The following CNTN2 variants were observed in gnomAD, a reference collection of about 807,000 sequenced individuals.
CNTN2 encodes contactin-2.
Under a neutral mutation model 117.5 loss-of-function variants are expected in CNTN2, and 53 were observed. That is an observed-to-expected ratio of 0.45 (90% CI 0.36 to 0.57). The LOEUF (loss-of-function observed/expected upper bound fraction) is 0.57. Among genes scored for constraint, CNTN2 ranks in the 20% least tolerant of loss-of-function variants. The probability of loss-of-function intolerance (pLI) is 0.00; values close to 1 mark genes in which losing one functional copy is unlikely to be tolerated. For missense variants in CNTN2, 1,106 were observed against 1,404.3 expected (o/e 0.79, Z 3.39); for synonymous variants, 530 against 561.7 (o/e 0.94, Z 0.80).
chr1:205,069,793 G>T (rs1002124639), intron 17 of CNTN2, 34 bp from the exon 18 acceptor site: 10 of 1,597,136 alleles, frequency 6.3e-6, no homozygotes, highest in Middle Eastern at 1.7e-4. Flanking sequence ...CACATGCCGC[G>T]GACCCTCGCC....
At chr1:205,072,910 C>G in intron 21 of CNTN2, 158 bp from the exon 22 acceptor site, 1 of 782,060 alleles carries the variant, frequency 1.3e-6, no homozygotes. Flanking sequence ...AAGCTTTCCT[C>G]CACCAATGAG....
rs1558542528 is a variant in CNTN2 at position 205,059,231 on chromosome 1, A to T, written c.635A>T (p.His212Leu). ...AACTACTCCTGTTTGGCCACCAGCC[A>T]CATGGACTTCTCCACCAAGAGCGTC... ...LGNYSCLATS[H>L]MDFSTKSVFS... Residue 212 changes from histidine (H) to leucine (L), a missense_variant, in exon 6 of 23, where the codon CAC becomes CTC. His to Leu is a moderately conservative substitution (Grantham distance 99, BLOSUM62 -3). Coordinates refer to ENST00000331830, the MANE Select transcript of CNTN2 (RefSeq NM_005076.5). This position sits in a 1 kb window ranked among gnomAD's most constrained non-coding sequence, Gnocchi z 5.6. The T allele has an allele frequency of 1.2e-6, 2 of 1,614,216 alleles. No individual in the cohort carries two copies. Among genetic ancestry groups the T allele is most frequent in the Non-Finnish European group, 1.7e-6 (2 of 1,180,032 alleles).
At position 205,059,772 on chromosome 1, in the gene CNTN2, T is replaced by C; in HGVS notation, c.797+90T>C. 10 of 1,089,442 alleles carry C rather than the reference T, an allele frequency of 9.2e-6. No homozygotes were observed. Among genetic ancestry groups the C allele is most frequent in the Non-Finnish European group, 1.4e-5 (10 of 711,642 alleles). 67.5% of individuals were successfully genotyped at this position (1,089,442 alleles called of 1,614,324 possible). On this transcript the variant is annotated intron_variant, in intron 7 of 22. Transcript: ENST00000331830. The surrounding 1 kb of genome is among the most constrained non-coding windows in gnomAD (Gnocchi z 5.6). ...AGGGCAGGCAGAGTCAGGGCTCTTA[T>C]CTTGGTGTCCCTCACAGGGTCTAGC...
At chr1:205,064,154 C>T (rs912586814) in intron 10 of CNTN2, among the ~76,000 whole-genome samples, 168 bp from the exon 11 acceptor site, 3 of 151,746 alleles carry the variant, frequency 2.0e-5, no homozygotes, top group Non-Finnish European at 4.4e-5. Context: ...ATAGTCCAGG[C>T]GGGAGATTTG....
At position 205,058,599 on chromosome 1, in the gene CNTN2, C is replaced by T. The variant is rs774281069; in HGVS notation, c.423C>T (p.Asp141=). ...AGGAATTCTCCAAGGAGGAGCGAGA[C>T]CCAGTGAAAGCTCATGAAGGCTGGG... is the stretch of plus-strand genomic sequence containing the variant. ...FLQEFSKEER[D]PVKAHEGWGV... Residue 141 remains aspartate, a synonymous_variant, in exon 5 of 23, where the codon GAC becomes GAT. Coordinates refer to ENST00000331830, the MANE Select transcript of CNTN2 (RefSeq NM_005076.5). This position sits in a 1 kb window ranked among gnomAD's most constrained non-coding sequence, Gnocchi z 4.3. The T allele has an allele frequency of 1.2e-5, 20 of 1,613,856 alleles. No individual in the cohort carries two copies. In the East Asian group the frequency reaches 4.0e-4, roughly 32 times the overall value.
chr1:205,047,784 T>C (rs1259158710), intron 1 of CNTN2, among the ~76,000 whole-genome samples: 2 of 152,144 alleles, frequency 1.3e-5, no homozygotes, highest in Admixed American at 6.5e-5. Context: ...CTGTGAGATT[T>C]CTCAGTTCTA....
Position 205,071,742 on chromosome 1 carries a change from T to C in CNTN2, c.2545-205T>C, listed in dbSNP as rs76364695. Among the ~76,000 whole-genome samples, 273 of 152,298 alleles carry C rather than the reference T, an allele frequency of 1.8e-3. 1 individual carries two copies. The highest frequency in any genetic ancestry group is 6.2e-3 in the African/African-American group (257 of 41,566). On this transcript the variant is annotated intron_variant, in intron 19 of 22. Transcript: ENST00000331830. ...CTGACCCATGTCTTGAGCACCTTCC[T>C]TGAACTACGCACCAACAGACAGCAG...
chr1:205,062,410 T>TC, intron 9 of CNTN2, 30 bp from the exon 10 acceptor site: 1 of 1,592,660 alleles, frequency 6.3e-7, no homozygotes, highest in Non-Finnish European at 8.5e-7. Context: ...GTGGTCCTGA[T>TC]CCCCCTGGGC....
Position 205,072,520 on chromosome 1 carries a change from C to T in CNTN2, c.2769C>T (p.Phe923=). The T allele has an allele frequency of 1.2e-6, 2 of 1,614,202 alleles. No individual in the cohort carries two copies. The highest frequency in any genetic ancestry group is 1.7e-6 in the Non-Finnish European group (2 of 1,180,032). ...CTCCTGGCAACATCTCCTGGACTTTCTCAAGCTCTAGTCTTAGCATTAAGT... is the reference window on the plus strand; with the variant it reads ...CTCCTGGCAACATCTCCTGGACTTTTTCAAGCTCTAGTCTTAGCATTAAGT... ...RRPPGNISWT[F]SSSSLSIKWD... is the part of the protein sequence containing the mutation. The change falls in exon 21 of 23, where the codon TTC becomes TTT. Residue 923 remains phenylalanine (F), a synonymous_variant. Transcript: ENST00000331830.
chr1:205,073,413 GC>G lies in CNTN2; in HGVS notation c.3013+182del. 1 of 852,274 alleles carries G rather than the reference GC, an allele frequency of 1.2e-6. No homozygotes were observed. The highest frequency in any genetic ancestry group is 1.7e-5 in the African/African-American group (1 of 58,794). The allele number at this position is 852,274 out of a possible 1,614,324, so 52.8% of individuals were successfully genotyped here. ...TGCCTCGCCGCCACCTTTCTACCCA[GC>G]CCCCAGAACATCCCCGAGGGCCAGG... On this transcript the variant is annotated intron_variant, in intron 22 of 22. Transcript: ENST00000331830. This position sits in a 1 kb window ranked among gnomAD's most constrained non-coding sequence, Gnocchi z 6.3.
chr1:205,043,589 C>T (rs543401669), intron 1 of CNTN2, among the ~76,000 whole-genome samples, 195 bp downstream of exon 1: 1 of 152,192 alleles, frequency 6.6e-6, no homozygotes, highest in African/African-American at 2.4e-5. Context: ...CTCCCCTCCG[C>T]CCTGTCTACG....
intron 17 of CNTN2, 21 bp downstream of exon 17, chr1:205,069,582 G>GTCC (rs776293937): frequency 8.8e-6 from 14 of 1,597,188 alleles, no homozygotes; most frequent in Non-Finnish European, 1.2e-5. Context: ...AGGGTCAGAT[G>GTCC]TCCTCCTCCT....
At position 205,059,726 on chromosome 1, in the gene CNTN2, G is replaced by C. The variant is rs374370841; in HGVS notation, c.797+44G>C. The C allele has an allele frequency of 6.4e-7, 1 of 1,556,846 alleles. No homozygotes were observed. The highest frequency in any genetic ancestry group is 1.4e-5 in the African/African-American group (1 of 73,680). Reference sequence around the variant, plus strand: ...GGGAAGCAGAGCACGGTCTCTCGGGGGCACAGGTGACCCCAGGGTGAGGGC... The same window carrying C: ...GGGAAGCAGAGCACGGTCTCTCGGGCGCACAGGTGACCCCAGGGTGAGGGC... On this transcript the variant is annotated intron_variant, in intron 7 of 22. Transcript: ENST00000331830. This position sits in a 1 kb window ranked among gnomAD's most constrained non-coding sequence, Gnocchi z 5.6.
rs1396733533 is a variant in CNTN2 at position 205,061,088 on chromosome 1, G to A, written c.798-157G>A. ...GTGTGCTCCGAGCCTACCTGGGAGA[G>A]GAGAGTGAGGATCAGCCAGAAGGCA... On this transcript the variant is annotated intron_variant, in intron 7 of 22. Transcript: ENST00000331830. This position sits in a 1 kb window ranked among gnomAD's most constrained non-coding sequence, Gnocchi z 4.8. 1 of 768,330 alleles carries A rather than the reference G, an allele frequency of 1.3e-6. No homozygotes were observed. The highest frequency in any genetic ancestry group is 1.8e-5 in the African/African-American group (1 of 56,372). 47.6% of individuals were successfully genotyped at this position (768,330 alleles called of 1,614,324 possible).
intron 19 of CNTN2, 141 bp downstream of exon 19, chr1:205,070,679 C>T: frequency 1.6e-6 from 1 of 620,300 alleles, no homozygotes; most frequent in Admixed American, 2.7e-5. Flanking sequence ...GTCTGTGTAG[C>T]ACTGTGAATG....
chr1:205,061,174 T>C lies in CNTN2; in HGVS notation c.798-71T>C. 1 of 1,500,564 alleles carries C rather than the reference T, an allele frequency of 6.7e-7. No homozygotes were observed. The highest frequency in any genetic ancestry group is 9.0e-7 in the Non-Finnish European group (1 of 1,107,404). 93.0% of individuals were successfully genotyped at this position (1,500,564 alleles called of 1,614,324 possible). On this transcript the variant is annotated intron_variant, in intron 7 of 22. Coordinates refer to ENST00000331830, the MANE Select transcript of CNTN2 (RefSeq NM_005076.5). This position sits in a 1 kb window ranked among gnomAD's most constrained non-coding sequence, Gnocchi z 4.8. ...TCAGGAGGGCCTGAGAGTCTGGGTA[T>C]GAGGAGCTGCGGGCACTGGAGGGGT... is the stretch of plus-strand genomic sequence containing the variant.
intron 10 of CNTN2, among the ~76,000 whole-genome samples, chr1:205,064,051 G>A (rs1236193347): frequency 6.1e-5 from 9 of 146,892 alleles, no homozygotes; most frequent in African/African-American, 2.2e-4. Context: ...CAACTGGGTG[G>A]AGAAAAGATT....
chr1:205,047,118 C>T (rs1377130773), intron 1 of CNTN2, among the ~76,000 whole-genome samples: 1 of 152,178 alleles, frequency 6.6e-6, no homozygotes, highest in Non-Finnish European at 1.5e-5. Flanking sequence ...AAAGAGCCTG[C>T]AGAGAGAGCT....
chr1:205,069,522 A>T lies in CNTN2; in HGVS notation c.2157A>T (p.Gly719=). The T allele has an allele frequency of 6.2e-7, 1 of 1,614,022 alleles. No homozygotes were observed. The highest frequency in any genetic ancestry group is 8.5e-7 in the Non-Finnish European group (1 of 1,180,024). The stretch of plus-strand genomic sequence containing the variant: ...CGGTGGCACCCTCAGGACTCAGCGG[A>T]GGAGGTGGAGCCCCCGGAGAGCTCA... ...APSVAPSGLS[G]GGGAPGELIV... Residue 719 remains glycine (G), a synonymous_variant, in exon 17 of 23, where the codon GGA becomes GGT. Coordinates refer to ENST00000331830, the MANE Select transcript of CNTN2 (RefSeq NM_005076.5).
Sources: gnomAD v4.1 joint callset for allele counts (sites outside exome capture counted in the v4.1 genomes callset) on GRCh38, gnomAD v4.1.1 for gene constraint, Gnocchi (gnomAD v3.1) non-coding constraint, MANE v1.5 for transcripts, NCBI Gene and HGNC (gene_info 2026-07-23, HGNC 2026-07-21) for gene names.